FHIT: variants seen among roughly 807,000 people sequenced by gnomAD.
FHIT encodes the protein fragile histidine triad diadenosine triphosphatase.
In FHIT, 19 loss-of-function variants were observed where a neutral mutation model predicts 17.9. The ratio of observed to expected loss-of-function variants is 1.06; its 90% CI spans 0.74 to 1.56. The LOEUF is 1.56. Among genes scored for constraint, FHIT ranks in the 40% most tolerant of loss-of-function variants. FHIT has a pLI of 0.00. For synonymous variants in FHIT, 81 were observed against 69.7 expected, an observed-to-expected ratio of 1.16 and a Z score of -0.81; for missense variants, 248 against 189.2, an observed-to-expected ratio of 1.31 and a Z score of -1.82.
intron 7 of FHIT, among the ~76,000 whole-genome samples, chr3:59,970,430 G>C (rs769276585): frequency 3.3e-5 from 5 of 152,062 alleles, no homozygotes; most frequent in Admixed American, 6.6e-5. Context: ...GCTTACTATT[G>C]TCAGTAAGTG....
At chr3:60,900,828 A>G (rs1173142293) in intron 3 of FHIT, among the ~76,000 whole-genome samples, 1 of 152,010 alleles carries the variant, frequency 6.6e-6, no homozygotes, top group Non-Finnish European at 1.5e-5. Context: ...CCCAGGCTGG[A>G]GTGCAGTCGT....
intron 5 of FHIT, among the ~76,000 whole-genome samples, chr3:60,296,818 G>C (rs1708232901): frequency 6.6e-6 from 1 of 151,242 alleles, no homozygotes; most frequent in Non-Finnish European, 1.5e-5. Flanking sequence ...CATTTTGAAT[G>C]AATTTTGTGC....
At chr3:60,883,290 TACCAAA>T (rs1326528364) in intron 3 of FHIT, among the ~76,000 whole-genome samples, 1 of 152,154 alleles carries the variant, frequency 6.6e-6, no homozygotes, top group Non-Finnish European at 1.5e-5. Context: ...ATGACAATGC[TACCAAA>T]AACAATTTAC....
At chr3:60,308,008 C>A (rs966657549) in intron 5 of FHIT, among the ~76,000 whole-genome samples, 5 of 152,140 alleles carry the variant, frequency 3.3e-5, no homozygotes, top group Non-Finnish European at 1.5e-5. Context: ...CTCATAATGT[C>A]ATTTGGAGGT....
chr3:59,950,533 A>T lies in FHIT; in HGVS notation c.280-28119T>A, dbSNP rs146222948. Among the ~76,000 whole-genome samples the T allele has an allele frequency of 4.8e-3, 540 of 111,348 alleles. 5 individuals are homozygous for T. Among genetic ancestry groups the T allele is most frequent in the African/African-American group, 0.018 (510 of 28,756 alleles). The allele number at this position is 111,348 out of a possible 152,430, so 73.0% of individuals were successfully genotyped here. ...TTTTAATACAGTCAGAGTACTTGCC[A>T]CTGTCTAAAAAAACTGTTTGTTTAC... On this transcript the variant is annotated intron_variant, in intron 7 of 9. Transcript: ENST00000492590.
chr3:60,640,565 A>C (rs1553685070), intron 4 of FHIT, among the ~76,000 whole-genome samples: 1 of 152,162 alleles, frequency 6.6e-6, no homozygotes, highest in East Asian at 1.9e-4. Context: ...AAATGTGTGC[A>C]CTTTTGCTGT....
chr3:60,505,239 T>C (rs2034680541), intron 5 of FHIT, among the ~76,000 whole-genome samples: 1 of 152,206 alleles, frequency 6.6e-6, no homozygotes, highest in African/African-American at 2.4e-5. Context: ...AGGCCTCTGC[T>C]ATGGCTAAGT....
chr3:60,195,183 A>C (rs753966683), intron 5 of FHIT, among the ~76,000 whole-genome samples: 57 of 151,792 alleles, frequency 3.8e-4, no homozygotes, highest in Non-Finnish European at 7.2e-4. Flanking sequence ...ACAAAAACAA[A>C]CAACCAAAAA....
rs948943422 is a variant in FHIT, at chr3:60,654,759, C to G, written c.-17-117780G>C. On this transcript the variant is annotated intron_variant, in intron 4 of 9. Coordinates refer to ENST00000492590, the MANE Select transcript of FHIT (RefSeq NM_002012.4). ...GGCTGCACTAAATAATTTAGCAAATCTTAATTGTGCAAATATTTTCATTAT... is the reference window on the plus strand; with the variant it reads ...GGCTGCACTAAATAATTTAGCAAATGTTAATTGTGCAAATATTTTCATTAT... Among the ~76,000 whole-genome samples, 21 of 152,224 alleles carry G rather than the reference C, an allele frequency of 1.4e-4. No homozygotes were observed. The South Asian group carries it at 2.5e-3, about 18-fold the overall frequency.
intron 3 of FHIT, among the ~76,000 whole-genome samples, chr3:61,023,580 G>A (rs13073521): frequency 1.3e-3 from 203 of 152,148 alleles, no homozygotes; most frequent in African/African-American, 4.7e-3. Context: ...GAGGCATCCC[G>A]CTACCTGATC....
At chr3:60,522,090 G>C (rs141882592) in intron 5 of FHIT, among the ~76,000 whole-genome samples, 18 of 147,724 alleles carry the variant, frequency 1.2e-4, no homozygotes, top group African/African-American at 4.2e-4. Context: ...GAAAGAAACA[G>C]CAACAGCAAC....
chr3:60,428,478 G>A (rs1328031190), intron 5 of FHIT, among the ~76,000 whole-genome samples: 1 of 151,992 alleles, frequency 6.6e-6, no homozygotes, highest in Non-Finnish European at 1.5e-5. Flanking sequence ...AGCTTCATCA[G>A]AGCACGTTTT....
At position 60,521,409 on chromosome 3, in the gene FHIT, A is replaced by G. The variant is rs1013489325; in HGVS notation, c.103+15451T>C. The stretch of plus-strand genomic sequence containing the variant: ...ACTACAGGCGCCCGCCACCACACCC[A>G]GCTAATTTTTTGTATTTTTAGTAGA... On this transcript the variant is annotated intron_variant, in intron 5 of 9. Transcript: ENST00000492590. Among the ~76,000 whole-genome samples the G allele has an allele frequency of 5.9e-5, 9 of 151,838 alleles. No individual in the cohort carries two copies. The South Asian group carries it at 6.2e-4, about 11-fold the overall frequency.
chr3:60,068,189 C>A (rs983038599), intron 5 of FHIT, among the ~76,000 whole-genome samples: 1 of 152,074 alleles, frequency 6.6e-6, no homozygotes, highest in Non-Finnish European at 1.5e-5. Context: ...GAGCTGAGAT[C>A]GCACCACTGC....
intron 4 of FHIT, among the ~76,000 whole-genome samples, chr3:60,660,142 T>C (rs895821787): frequency 1.3e-5 from 2 of 151,780 alleles, no homozygotes; most frequent in Non-Finnish European, 2.9e-5. Context: ...AGAAAAAAAA[T>C]GAAAACAAAA....
intron 5 of FHIT, among the ~76,000 whole-genome samples, chr3:60,353,081 T>C (rs772336750): frequency 2.0e-5 from 3 of 152,222 alleles, no homozygotes; most frequent in Non-Finnish European, 2.9e-5. Context: ...AAGATAAATT[T>C]GAAATCATTT....
At chr3:60,505,611 G>T (rs1181572617) in intron 5 of FHIT, among the ~76,000 whole-genome samples, 3 of 152,046 alleles carry the variant, frequency 2.0e-5, no homozygotes, top group Non-Finnish European at 4.4e-5. Flanking sequence ...ATCCTCCAAG[G>T]TTTCTTCCAG....
At chr3:60,346,546 G>A (rs1422058032) in intron 5 of FHIT, among the ~76,000 whole-genome samples, 2 of 152,140 alleles carry the variant, frequency 1.3e-5, no homozygotes, top group Admixed American at 1.3e-4. Context: ...TATGAGATGA[G>A]GACCTGTTAG....
intron 2 of FHIT, among the ~76,000 whole-genome samples, chr3:61,105,892 A>G (rs981920721): frequency 6.6e-6 from 1 of 152,210 alleles, no homozygotes; most frequent in Non-Finnish European, 1.5e-5. Context: ...CATTTTTACA[A>G]TGGTAAAAGG....
Sources: gnomAD v4.1 joint callset for allele counts (sites outside exome capture counted in the v4.1 genomes callset) on GRCh38, gnomAD v4.1.1 for gene constraint, MANE v1.5 for transcripts, NCBI Gene and HGNC (gene_info 2026-07-23, HGNC 2026-07-21) for gene names.